The following TMOD2 variants were observed in gnomAD, a reference collection of about 807,000 sequenced individuals.
TMOD2 encodes tropomodulin-2.
Under a neutral mutation model 39.9 loss-of-function variants are expected in TMOD2, and 22 were observed. The observed-to-expected ratio is 0.55, with a 90% CI of 0.39 to 0.79. The LOEUF is 0.79. Ranked by LOEUF, TMOD2 falls within the 30% of genes least tolerant of loss-of-function variation. The pLI, the probability that TMOD2 is intolerant of heterozygous loss-of-function variation, is 0.00. For synonymous variants in TMOD2, 123 were observed against 146.1 expected, an observed-to-expected ratio of 0.84 and a Z score of 1.14; for missense variants, 386 against 413.3, an observed-to-expected ratio of 0.93 and a Z score of 0.57.
At chr15:51,764,085 T>TA (rs34484778) in intron 1 of TMOD2, among the ~76,000 whole-genome samples, 5,177 of 148,232 alleles carry the variant, frequency 0.035, 186 homozygotes, top group East Asian at 0.078. Context: ...ATTAAAGATT[T>TA]AAAAAAAAAA....
chr15:51,757,184 C>A (rs8040975), intron 1 of TMOD2, among the ~76,000 whole-genome samples: 16 of 151,910 alleles, frequency 1.1e-4, no homozygotes, highest in Non-Finnish European at 1.8e-4. Flanking sequence ...GGTGGATCAC[C>A]TGTGATCAGG....
At chr15:51,803,190 T>TTTTTTTTTTTG (rs1555463181) in intron 8 of TMOD2, among the ~76,000 whole-genome samples, 6 of 148,850 alleles carry the variant, frequency 4.0e-5, no homozygotes, top group East Asian at 4.0e-4. Context: ...TTTTTTTTTT[T>TTTTTTTTTTTG]TCTTTTTGAG....
chr15:51,766,480 G>T lies in TMOD2; in HGVS notation c.39G>T (p.Lys13Asn), dbSNP rs1004644891. ...LPFQKELEKYKNIDEDELLGK... is the reference protein window; with the variant it reads ...LPFQKELEKYNNIDEDELLGK... ...TTCAAAAAGAGCTGGAGAAATACAAGAACATTGATGAAGATGAGCTTCTTG... is the reference window on the plus strand; with the variant it reads ...TTCAAAAAGAGCTGGAGAAATACAATAACATTGATGAAGATGAGCTTCTTG... Residue 13 changes from lysine to asparagine, a missense_variant, in exon 2 of 10, where the codon AAG (lysine) becomes AAT (asparagine). By Grantham distance (94) the Lys-to-Asn change is moderately conservative. Transcript: ENST00000249700. 6.2e-7 allele frequency: 1 copy of T among 1,613,986 alleles called. No individual in the cohort carries two copies. The highest frequency in any genetic ancestry group is 1.1e-5 in the South Asian group (1 of 91,082).
At chr15:51,775,710 T>A (rs2055883678) in intron 4 of TMOD2, among the ~76,000 whole-genome samples, 1 of 151,684 alleles carries the variant, frequency 6.6e-6, no homozygotes, top group Admixed American at 6.6e-5. Flanking sequence ...CCCAAGTAGC[T>A]GGGATTACAG....
In TMOD2 at chr15:51,773,821, CTA is replaced by C; in HGVS notation, c.395_396del (p.Tyr132Ter). On this transcript the variant is annotated frameshift_variant, in exon 4 of 10. Coordinates refer to ENST00000249700, the MANE Select transcript of TMOD2 (RefSeq NM_014548.4). LOFTEE classifies it high-confidence loss of function. Reference protein sequence around the residue: ...ALASASDTELYDLAAVLGVHN... With the variant: ...ALASASDTELXDLAAVLGVHN... ...TGGCCAGTGCCTCTGACACCGAACTCTATGATCTTGCAGGTTAGTCCTGAACT... is the reference window on the plus strand; with the variant it reads ...TGGCCAGTGCCTCTGACACCGAACTCTGATCTTGCAGGTTAGTCCTGAACT... 1 of 1,610,352 alleles carries C rather than the reference CTA, an allele frequency of 6.2e-7. No individual in the cohort carries two copies. Among genetic ancestry groups the C allele is most frequent in the East Asian group, 2.2e-5 (1 of 44,844 alleles).
At chr15:51,776,550 A>G (rs965409025) in intron 4 of TMOD2, among the ~76,000 whole-genome samples, 63 of 152,202 alleles carry the variant, frequency 4.1e-4, no homozygotes, top group Admixed American at 3.9e-3. Flanking sequence ...GCAGTAATCT[A>G]TATAATGTTA....
At position 51,812,599 on chromosome 15, in the gene TMOD2, G is replaced by A. The variant is rs2056163220; in HGVS notation, c.*4145G>A. On this transcript the variant is annotated 3_prime_UTR_variant, in exon 10 of 10. Transcript: ENST00000249700. ...TATGTGTTTCTGAGATTGGGGAGTA[G>A]ACTGAGTGCCTTTTTTACAAAGAAG... 1.3e-5 allele frequency: 2 copies of A among 152,294 alleles called. No individual in the cohort carries two copies. The highest frequency in any genetic ancestry group is 3.4e-3 in the Middle Eastern group (1 of 294). The allele number at this position is 152,294 out of a possible 1,614,324, so 9.4% of individuals were successfully genotyped here. A position where few individuals can be genotyped will look rare whatever the true frequency, so the allele number is the denominator to read the frequency against.
chr15:51,805,074 TC>T (rs1233343800), intron 8 of TMOD2, among the ~76,000 whole-genome samples: 1 of 152,094 alleles, frequency 6.6e-6, no homozygotes, highest in Non-Finnish European at 1.5e-5. Context: ...TTCTCCTGCC[TC>T]AGCCTCCCAA....
Position 51,751,644 on chromosome 15 carries a change from G to T in TMOD2, c.-138G>T. On this transcript the variant is annotated 5_prime_UTR_variant, in exon 1 of 10. Transcript: ENST00000249700. ...GCCACGGCGCCGCCCCTGTTCTCCCGGCCCCGCTCCACCGGGGCTGACGGA... is the reference window on the plus strand; with the variant it reads ...GCCACGGCGCCGCCCCTGTTCTCCCTGCCCCGCTCCACCGGGGCTGACGGA... The T allele has an allele frequency of 5.6e-6, 1 of 178,302 alleles. No individual in the cohort carries two copies. Among genetic ancestry groups the T allele is most frequent in the Admixed American group, 6.3e-5 (1 of 15,924 alleles). 11.0% of individuals were successfully genotyped at this position (178,302 alleles called of 1,614,324 possible).
chr15:51,816,268 C>T lies in TMOD2; in HGVS notation c.*7814C>T, dbSNP rs1215991424. ...TAATTAATTAAGATCTTTCTGCTTT[C>T]GAAGGTATAATGTATCTATTTCTGT... On this transcript the variant is annotated 3_prime_UTR_variant, in exon 10 of 10. Coordinates refer to ENST00000249700, the MANE Select transcript of TMOD2 (RefSeq NM_014548.4). 1 of 152,014 alleles carries T rather than the reference C, an allele frequency of 6.6e-6. No individual in the cohort carries two copies. The highest frequency in any genetic ancestry group is 1.5e-5 in the Non-Finnish European group (1 of 68,002). 9.4% of individuals were successfully genotyped at this position (152,014 alleles called of 1,614,324 possible).
intron 7 of TMOD2, chr15:51,784,035 C>T (rs937084377): frequency 6.6e-6 from 1 of 152,192 alleles, no homozygotes; most frequent in Admixed American, 6.5e-5. Context: ...CACTGTAATA[C>T]TATGAGGTAT....
chr15:51,789,654 A>G (rs1221742565), intron 7 of TMOD2, among the ~76,000 whole-genome samples: 1 of 152,220 alleles, frequency 6.6e-6, no homozygotes, highest in Non-Finnish European at 1.5e-5. Flanking sequence ...AATCACAACA[A>G]ACTGTCTCTC....
At chr15:51,801,217 C>CCT (rs71127202) in intron 8 of TMOD2, among the ~76,000 whole-genome samples, 16,406 of 119,004 alleles carry the variant, frequency 0.14, 1,469 homozygotes, top group Non-Finnish European at 0.17. Flanking sequence ...ATTCTCTCTC[C>CCT]CTCTCTCTCT....
chr15:51,769,104 A>G (rs2055836532), intron 3 of TMOD2, among the ~76,000 whole-genome samples: 1 of 152,230 alleles, frequency 6.6e-6, no homozygotes, highest in Non-Finnish European at 1.5e-5. Context: ...GGGAGAGTAC[A>G]TTGAAAGAAA....
intron 1 of TMOD2, among the ~76,000 whole-genome samples, chr15:51,754,603 T>A (rs2055729723): frequency 6.6e-6 from 1 of 152,268 alleles, no homozygotes; most frequent in Non-Finnish European, 1.5e-5. Flanking sequence ...TATACATATT[T>A]ACTTGCATGA....
chr15:51,795,446 T>G (rs970749116), intron 7 of TMOD2, among the ~76,000 whole-genome samples: 2 of 149,374 alleles, frequency 1.3e-5, no homozygotes, highest in Non-Finnish European at 3.0e-5. Flanking sequence ...AAAAAAAAAG[T>G]TTTTTTTATT....
rs915196272 is a variant in TMOD2 at position 51,816,136 on chromosome 15, T to G, written c.*7682T>G. 6.6e-6 allele frequency: 1 copy of G among 152,244 alleles called. No homozygotes were observed. Among genetic ancestry groups the G allele is most frequent in the African/African-American group, 2.4e-5 (1 of 41,466 alleles). The allele number at this position is 152,244 out of a possible 1,614,324, so 9.4% of individuals were successfully genotyped here. ...GTATAAAGTATGAAATATTATACTT[T>G]TACCCTGGATAATTATTCAGGACCC... On this transcript the variant is annotated 3_prime_UTR_variant, in exon 10 of 10. Coordinates refer to ENST00000249700, the MANE Select transcript of TMOD2 (RefSeq NM_014548.4).
intron 8 of TMOD2, among the ~76,000 whole-genome samples, chr15:51,799,491 G>A (rs2056074373): frequency 6.6e-6 from 1 of 150,912 alleles, no homozygotes; most frequent in Non-Finnish European, 1.5e-5. Flanking sequence ...TCTGGCCCTG[G>A]ACTAATGATG....
At chr15:51,785,289 G>A (rs1192584794) in intron 7 of TMOD2, among the ~76,000 whole-genome samples, 1 of 151,820 alleles carries the variant, frequency 6.6e-6, no homozygotes, top group African/African-American at 2.4e-5. Flanking sequence ...GCGGGCGCCT[G>A]TAGTCCCAGC....
Sources: allele counts gnomAD v4.1 joint callset (sites outside exome capture counted in the v4.1 genomes callset), GRCh38; gene constraint gnomAD v4.1.1; transcripts MANE v1.5; gene names NCBI Gene and HGNC (gene_info 2026-07-23, HGNC 2026-07-21).